The following NLRP4 variants were observed in gnomAD, a reference collection of about 807,000 sequenced individuals.
NLRP4 encodes the protein NLR family pyrin domain containing 4.
NLRP4 carries 44 observed loss-of-function variants against 84.7 expected under a neutral mutation model. The ratio of observed to expected loss-of-function variants is 0.52; its 90% confidence interval spans 0.41 to 0.67. The LOEUF (loss-of-function observed/expected upper bound fraction) is 0.67. Ranked by LOEUF, NLRP4 falls within the 30% of genes least tolerant of loss-of-function variation. The pLI is 0.00. For synonymous variants in NLRP4, 544 were observed against 476.4 expected, an observed-to-expected ratio of 1.14 and a Z score of -1.85; for missense variants, 1,260 against 1,219.4, an observed-to-expected ratio of 1.03 and a Z score of -0.50.
At chr19:55,863,357 C>T (rs1984835816) in intron 5 of NLRP4, among the ~76,000 whole-genome samples, 1 of 152,106 alleles carries the variant, frequency 6.6e-6, no homozygotes, top group East Asian at 1.9e-4. Flanking sequence ...GTGTAATTGG[C>T]TTATGGTTCT....
rs566988834 is a variant in NLRP4, at chr19:55,841,560, G to C, written c.-66+4626G>C. 2.0e-5 allele frequency among the ~76,000 whole-genome samples: 3 copies of C among 152,058 alleles called. No individual in the cohort carries two copies. The East Asian group carries it at 5.8e-4, about 29-fold the overall frequency. On this transcript the variant is annotated intron_variant, in intron 1 of 9. Coordinates refer to ENST00000301295, the MANE Select transcript of NLRP4 (RefSeq NM_134444.5). ...GCACTTAGTTTGTTTCTATATCTTG[G>C]TTATTAGTAATAGTGCTGCAGGCCG...
chr19:55,852,709 T>A (rs2123020266), intron 2 of NLRP4, among the ~76,000 whole-genome samples: 1 of 152,210 alleles, frequency 6.6e-6, no homozygotes, highest in Admixed American at 6.5e-5. Context: ...ACTCCCAACC[T>A]CAGGTGATCC....
At chr19:55,863,190 G>A (rs1419973097) in intron 5 of NLRP4, among the ~76,000 whole-genome samples, 1 of 152,228 alleles carries the variant, frequency 6.6e-6, no homozygotes, top group Admixed American at 6.5e-5. Context: ...CATTGTTGAT[G>A]GCAATGAGCC....
intron 2 of NLRP4, among the ~76,000 whole-genome samples, chr19:55,853,760 T>C (rs1984267402): frequency 6.6e-6 from 1 of 150,886 alleles, no homozygotes; most frequent in Non-Finnish European, 1.5e-5. Context: ...TCTCTTTCTC[T>C]TTCTCTCTCT....
chr19:55,878,730 A>G, intron 8 of NLRP4, 64 bp from the exon 9 acceptor site: 1 of 1,456,372 alleles, frequency 6.9e-7, no homozygotes. Flanking sequence ...CGTCTAGCTC[A>G]CATCCCATCC....
intron 1 of NLRP4, among the ~76,000 whole-genome samples, chr19:55,849,769 T>C (rs116592572): frequency 3.4e-4 from 45 of 131,574 alleles, no homozygotes; most frequent in African/African-American, 1.4e-3. Context: ...ATGTAATTTC[T>C]GTAGCTGCGG....
chr19:55,873,231 C>G (rs1985256045), intron 7 of NLRP4, among the ~76,000 whole-genome samples: 1 of 151,586 alleles, frequency 6.6e-6, no homozygotes, highest in Non-Finnish European at 1.5e-5. Context: ...TAAATCTAAA[C>G]AAAATGTGGA....
intron 1 of NLRP4, among the ~76,000 whole-genome samples, chr19:55,849,586 C>G (rs1888761467): frequency 6.6e-6 from 1 of 152,108 alleles, no homozygotes; most frequent in South Asian, 2.1e-4. Flanking sequence ...AGAAAGAGAG[C>G]CAGGGAGGGA....
intron 2 of NLRP4, among the ~76,000 whole-genome samples, chr19:55,854,880 C>T (rs1444166363): frequency 5.3e-5 from 8 of 152,140 alleles, no homozygotes; most frequent in African/African-American, 1.9e-4. Flanking sequence ...CTCACCACCA[C>T]GCCCAGCTAG....
chr19:55,868,470 G>T (rs555436655), intron 6 of NLRP4, among the ~76,000 whole-genome samples: 1 of 151,570 alleles, frequency 6.6e-6, no homozygotes, highest in Admixed American at 6.6e-5. Context: ...ATACAAAAGG[G>T]GAGAGGACAG....
At chr19:55,875,452 A>C (rs998136004) in intron 7 of NLRP4, among the ~76,000 whole-genome samples, 1 of 152,350 alleles carries the variant, frequency 6.6e-6, no homozygotes, top group South Asian at 2.1e-4. Flanking sequence ...AGTACCTTTT[A>C]CAGTAACATA....
In NLRP4 at chr19:55,857,597, C is replaced by A. The variant is rs181104975; in HGVS notation, c.281-77C>A. 34 of 1,386,582 alleles carry A rather than the reference C, an allele frequency of 2.5e-5. No individual in the cohort carries two copies. In the East Asian group the frequency reaches 4.6e-4, roughly 19 times the overall value. 85.9% of individuals were successfully genotyped at this position (1,386,582 alleles called of 1,614,324 possible). ...TGTGTAGACCCCTGGAAAGATACAT[C>A]CTGAGAAGAAAAAAAGAATATATGC... On this transcript the variant is annotated intron_variant, in intron 2 of 9. Coordinates refer to ENST00000301295, the MANE Select transcript of NLRP4 (RefSeq NM_134444.5).
At chr19:55,872,475 A>T (rs1985223245) in intron 7 of NLRP4, among the ~76,000 whole-genome samples, 1 of 152,202 alleles carries the variant, frequency 6.6e-6, no homozygotes, top group Non-Finnish European at 1.5e-5. Flanking sequence ...AAGCTATTAT[A>T]CTTACTATGT....
intron 9 of NLRP4, among the ~76,000 whole-genome samples, chr19:55,880,127 T>G (rs1473030107): frequency 6.6e-6 from 1 of 152,046 alleles, no homozygotes; most frequent in Non-Finnish European, 1.5e-5. Flanking sequence ...GGAAATATAA[T>G]GGGTTAAAAC....
At chr19:55,838,926 C>T (rs1983500116) in intron 1 of NLRP4, among the ~76,000 whole-genome samples, 1 of 151,258 alleles carries the variant, frequency 6.6e-6, no homozygotes, top group Non-Finnish European at 1.5e-5. Flanking sequence ...CACAAGTAGA[C>T]CGAACATGGA....
intron 2 of NLRP4, among the ~76,000 whole-genome samples, chr19:55,855,775 G>C (rs191986714): frequency 6.6e-6 from 1 of 152,342 alleles, no homozygotes; most frequent in Admixed American, 6.5e-5. Context: ...AACTGTAAAG[G>C]AGTTTTCGGC....
intron 5 of NLRP4, among the ~76,000 whole-genome samples, chr19:55,863,142 ACT>A (rs1254855107): frequency 6.6e-6 from 1 of 151,898 alleles, no homozygotes. Flanking sequence ...GAGAAAGAAC[ACT>A]CTCGGTCGTA....
At chr19:55,842,097 G>C (rs1441475627) in intron 1 of NLRP4, among the ~76,000 whole-genome samples, 1 of 152,098 alleles carries the variant, frequency 6.6e-6, no homozygotes, top group Non-Finnish European at 1.5e-5. Context: ...GCCAACATTT[G>C]TTATTTTCTT....
chr19:55,843,049 G>A (rs1197353977), intron 1 of NLRP4, among the ~76,000 whole-genome samples: 1 of 152,152 alleles, frequency 6.6e-6, no homozygotes, highest in Non-Finnish European at 1.5e-5. Flanking sequence ...GTCAGCCACC[G>A]TGCCTGGCCT....
Sources: allele counts gnomAD v4.1 joint callset (sites outside exome capture counted in the v4.1 genomes callset), GRCh38; gene constraint gnomAD v4.1.1; transcripts MANE v1.5; gene names NCBI Gene and HGNC (gene_info 2026-07-23, HGNC 2026-07-21).